Variants in IGSF11 observed in about 807,000 individuals in gnomAD.
The protein encoded by IGSF11 is CXADR like 1.
Under a neutral mutation model 41.0 loss-of-function variants are expected in IGSF11, and 22 were observed. The observed-to-expected ratio is 0.54, with a 90% CI of 0.38 to 0.77. The LOEUF (loss-of-function observed/expected upper bound fraction) is 0.77, where lower values mean the gene tolerates loss of function less well. IGSF11 is among the 30% of genes least tolerant of loss of function. IGSF11 has a pLI of 0.00. For missense variants in IGSF11, 444 were observed against 530.8 expected, an observed-to-expected ratio of 0.84 and a Z score of 1.61; for synonymous variants, 219 against 201.3, an observed-to-expected ratio of 1.09 and a Z score of -0.74.
At chr3:118,963,799 GT>G (rs1444072315) in intron 1 of IGSF11, among the ~76,000 whole-genome samples, 1 of 152,070 alleles carries the variant, frequency 6.6e-6, no homozygotes, top group Non-Finnish European at 1.5e-5. Flanking sequence ...GAGAATCAAT[GT>G]TTTTTTCCTT....
chr3:118,964,273 C>T (rs1294389057), intron 1 of IGSF11, among the ~76,000 whole-genome samples: 1 of 152,038 alleles, frequency 6.6e-6, no homozygotes, highest in Non-Finnish European at 1.5e-5. Context: ...AAAAAGAAAT[C>T]AAGAAAGTTG....
At chr3:119,110,753 G>C (rs1489950632) in intron 1 of IGSF11, among the ~76,000 whole-genome samples, 2 of 151,862 alleles carry the variant, frequency 1.3e-5, no homozygotes, top group Non-Finnish European at 2.9e-5. Flanking sequence ...CATGTTTAGT[G>C]CTTCCTTCAG....
At chr3:119,081,067 G>T (rs2076578507) in intron 1 of IGSF11, among the ~76,000 whole-genome samples, 1 of 151,816 alleles carries the variant, frequency 6.6e-6, no homozygotes, top group African/African-American at 2.4e-5. Flanking sequence ...AATACTAATT[G>T]TGTAATGTGT....
intron 4 of IGSF11, among the ~76,000 whole-genome samples, chr3:118,909,484 A>C (rs935585688): frequency 6.6e-6 from 1 of 152,246 alleles, no homozygotes; most frequent in African/African-American, 2.4e-5. Flanking sequence ...TAAAGATGAC[A>C]TCACAAATAC....
At position 119,133,318 on chromosome 3, in the gene IGSF11, T is replaced by C. The variant is rs111990467; in HGVS notation, c.-14+12495A>G. ...AAGATCAACAAAATTGATAGAACGC[T>C]AGCAAGACTAGTAAAGAAGAAAAGA... On this transcript the variant is annotated intron_variant, in intron 1 of 7. Transcript: ENST00000425327. Among the ~76,000 whole-genome samples the C allele has an allele frequency of 9.3e-3, 1,421 of 152,112 alleles. 24 individuals carry two copies. Among genetic ancestry groups the C allele is most frequent in the African/African-American group, 0.031 (1,301 of 41,466 alleles).
intron 6 of IGSF11, among the ~76,000 whole-genome samples, chr3:118,903,772 G>A (rs922300405): frequency 2.2e-4 from 34 of 152,126 alleles, no homozygotes; most frequent in African/African-American, 8.0e-4. Flanking sequence ...AGTCAATGAG[G>A]GTAGTAATCA....
At chr3:118,918,180 C>G (rs1298347678) in intron 4 of IGSF11, among the ~76,000 whole-genome samples, 6 of 90,694 alleles carry the variant, frequency 6.6e-5, no homozygotes, top group Admixed American at 2.3e-4. Flanking sequence ...TGGAAGCATT[C>G]CCTTTGAAAA....
At chr3:119,076,979 T>C (rs1273012979) in intron 1 of IGSF11, among the ~76,000 whole-genome samples, 2 of 152,192 alleles carry the variant, frequency 1.3e-5, no homozygotes, top group Non-Finnish European at 2.9e-5. Flanking sequence ...CGCATGTTTA[T>C]TGTGGCACTA....
At chr3:118,979,442 C>G (rs995292807) in intron 1 of IGSF11, among the ~76,000 whole-genome samples, 1 of 152,018 alleles carries the variant, frequency 6.6e-6, no homozygotes, top group African/African-American at 2.4e-5. Context: ...AACAATATAC[C>G]TCGTTAATAC....
chr3:119,039,816 TA>T (rs1941048514), upstream of IGSF11, among the ~76,000 whole-genome samples: 1 of 152,182 alleles, frequency 6.6e-6, no homozygotes, highest in Non-Finnish European at 1.5e-5. Context: ...ATGTGTCACC[TA>T]AGTCGTAACT....
chr3:119,144,594 C>A lies in IGSF11; in HGVS notation c.-14+1219G>T, dbSNP rs1334859496. Reference sequence around the variant, plus strand: ...AAAATCACAGAAAATGAGAAAATATCTTCAGATGAATGAAAACATAACACC... The same window carrying A: ...AAAATCACAGAAAATGAGAAAATATATTCAGATGAATGAAAACATAACACC... On this transcript the variant is annotated intron_variant, in intron 1 of 7. Transcript: ENST00000425327. Among the ~76,000 whole-genome samples, 3 of 151,996 alleles carry A rather than the reference C, an allele frequency of 2.0e-5. No homozygotes were observed. The East Asian group carries it at 5.8e-4, about 29-fold the overall frequency.
intron 1 of IGSF11, among the ~76,000 whole-genome samples, chr3:119,100,576 A>T (rs1338253348): frequency 2.6e-5 from 4 of 152,256 alleles, no homozygotes; most frequent in Non-Finnish European, 5.9e-5. Flanking sequence ...TTAGTTTATT[A>T]TCATTTAAAT....
intron 1 of IGSF11, among the ~76,000 whole-genome samples, chr3:119,086,761 G>A (rs1559859575): frequency 1.3e-5 from 2 of 152,196 alleles, no homozygotes. Context: ...CCTTAAGGGA[G>A]TGCTAAACAT....
At chr3:118,916,380 C>T (rs998036734) in intron 4 of IGSF11, among the ~76,000 whole-genome samples, 10 of 152,104 alleles carry the variant, frequency 6.6e-5, no homozygotes, top group Non-Finnish European at 1.0e-4. Flanking sequence ...TGCAGAGATA[C>T]ACATAGGCTC....
chr3:118,968,837 T>C (rs1475983012), intron 1 of IGSF11, among the ~76,000 whole-genome samples: 1 of 152,244 alleles, frequency 6.6e-6, no homozygotes, highest in Non-Finnish European at 1.5e-5. Flanking sequence ...GCAAGTCAGC[T>C]TTGTTGTACT....
At chr3:119,026,934 A>T (rs1007995395) in intron 1 of IGSF11, among the ~76,000 whole-genome samples, 1 of 152,200 alleles carries the variant, frequency 6.6e-6, no homozygotes, top group Non-Finnish European at 1.5e-5. Flanking sequence ...ACTGACAGTC[A>T]TTTGCGGCCA....
intron 1 of IGSF11, among the ~76,000 whole-genome samples, chr3:119,126,193 G>A (rs2077403121): frequency 6.6e-6 from 1 of 152,216 alleles, no homozygotes; most frequent in Admixed American, 6.5e-5. Context: ...GCTGGAGCCA[G>A]GGAGGCTGGA....
chr3:118,970,985 T>C (rs922351246), intron 1 of IGSF11, among the ~76,000 whole-genome samples: 2 of 152,178 alleles, frequency 1.3e-5, no homozygotes, highest in African/African-American at 4.8e-5. Flanking sequence ...CTGGCAATAA[T>C]GAGGTGCCAG....
At chr3:118,905,827 AT>A (rs1305564062) in intron 4 of IGSF11, 109 bp from the exon 5 acceptor site, 1 of 1,287,088 alleles carries the variant, frequency 7.8e-7, no homozygotes, top group Non-Finnish European at 1.1e-6. Context: ...CTATCAATAA[AT>A]TTCTTTTTTG....
Sources: gnomAD v4.1 joint callset for allele counts (sites outside exome capture counted in the v4.1 genomes callset) on GRCh38, gnomAD v4.1.1 for gene constraint, MANE v1.5 for transcripts, NCBI Gene and HGNC (gene_info 2026-07-23, HGNC 2026-07-21) for gene names.